Variants in MTX2 observed in about 807,000 individuals in gnomAD.
The protein encoded by MTX2 is metaxin-2.
Under a neutral mutation model 42.3 loss-of-function variants are expected in MTX2, and 35 were observed. The ratio of observed to expected loss-of-function variants is 0.83; its 90% CI spans 0.63 to 1.10. MTX2 has a LOEUF of 1.10. Among genes scored for constraint, MTX2 ranks in the 50% least tolerant of loss-of-function variants. The pLI is 0.00. For missense variants in MTX2, 307 were observed against 304.1 expected (o/e 1.01, Z -0.07); for synonymous variants, 119 against 100.9 (o/e 1.18, Z -1.08).
At chr2:176,320,289 T>C (rs1684547927) in intron 3 of MTX2, among the ~76,000 whole-genome samples, 1 of 152,146 alleles carries the variant, frequency 6.6e-6, no homozygotes, top group South Asian at 2.1e-4. Flanking sequence ...AACATTACAA[T>C]TCTGCTTTTA....
chr2:176,305,068 A>G (rs72925109), intron 3 of MTX2, among the ~76,000 whole-genome samples: 4,182 of 152,134 alleles, frequency 0.027, 86 homozygotes, highest in African/African-American at 0.056. Context: ...AGCAATGCTG[A>G]TTTTATTGCT....
chr2:176,328,857 T>G lies in MTX2; in HGVS notation c.379-17T>G. 1 of 1,602,722 alleles carries G rather than the reference T, an allele frequency of 6.2e-7. No homozygotes were observed. The highest frequency in any genetic ancestry group is 8.5e-7 in the Non-Finnish European group (1 of 1,172,856). ...CTTTGGTATTCTAAAGTTTAGTGAC[T>G]GTTCTTTTGTTCCTAGCTGTATCTT... On this transcript the variant is annotated splice_polypyrimidine_tract_variant and intron_variant, in intron 6 of 9. Transcript: ENST00000249442.
chr2:176,270,734 CATT>C (rs1298190502), intron 1 of MTX2, among the ~76,000 whole-genome samples: 1 of 151,960 alleles, frequency 6.6e-6, no homozygotes, highest in African/African-American at 2.4e-5. Context: ...CACTTAAAAA[CATT>C]ATTTTTTAGA....
chr2:176,333,020 T>C (rs949067312), intron 9 of MTX2, among the ~76,000 whole-genome samples: 2 of 151,488 alleles, frequency 1.3e-5, no homozygotes, highest in African/African-American at 4.8e-5. Context: ...ATTTTACTGT[T>C]TTTGTTTTGA....
At chr2:176,286,148 G>T (rs899400671) in intron 1 of MTX2, among the ~76,000 whole-genome samples, 1 of 151,986 alleles carries the variant, frequency 6.6e-6, no homozygotes, top group African/African-American at 2.4e-5. Context: ...GTGCTTTTTG[G>T]CCATTTGTAT....
At chr2:176,329,200 TTTATG>T in intron 7 of MTX2, 96 bp from the exon 8 acceptor site, 3 of 1,374,312 alleles carry the variant, frequency 2.2e-6, no homozygotes, top group Non-Finnish European at 2.9e-6. Context: ...GATTGCTCTA[TTTATG>T]TTCTCTGAAA....
intron 3 of MTX2, among the ~76,000 whole-genome samples, chr2:176,299,140 A>G (rs1683964284): frequency 6.6e-6 from 1 of 152,120 alleles, no homozygotes; most frequent in African/African-American, 2.4e-5. Context: ...ACAATATTTA[A>G]GTGTTTTTGC....
At chr2:176,314,893 A>G (rs911022236) in intron 3 of MTX2, among the ~76,000 whole-genome samples, 1 of 152,204 alleles carries the variant, frequency 6.6e-6, no homozygotes, top group Admixed American at 6.5e-5. Flanking sequence ...AAAAGACCAA[A>G]GATGAAGATG....
intron 3 of MTX2, among the ~76,000 whole-genome samples, chr2:176,302,497 C>T (rs919656542): frequency 1.4e-4 from 22 of 152,112 alleles, no homozygotes; most frequent in African/African-American, 1.7e-4. Flanking sequence ...AGTGCAGTGG[C>T]GTGATCTTGG....
At chr2:176,284,107 T>C (rs1005809461) in intron 1 of MTX2, among the ~76,000 whole-genome samples, 1 of 149,320 alleles carries the variant, frequency 6.7e-6, no homozygotes, top group Non-Finnish European at 1.5e-5. Flanking sequence ...GATTTTTTTC[T>C]TTTTTTTTTC....
In MTX2 at chr2:176,330,883, G is replaced by A. The variant is rs79633790; in HGVS notation, c.620+223G>A. Reference sequence around the variant, plus strand: ...TCATTAAGAATTTCTCTTAAAGGCAGTCATGTAAATCAATCATTGTATGAT... The same window carrying A: ...TCATTAAGAATTTCTCTTAAAGGCAATCATGTAAATCAATCATTGTATGAT... On this transcript the variant is annotated intron_variant, in intron 9 of 9. Transcript: ENST00000249442. Among the ~76,000 whole-genome samples the A allele has an allele frequency of 3.4e-3, 518 of 151,098 alleles. 2 individuals carry two copies. The highest frequency in any genetic ancestry group is 0.012 in the African/African-American group (484 of 41,418).
chr2:176,292,974 A>G (rs147237253), intron 1 of MTX2, among the ~76,000 whole-genome samples: 49 of 152,296 alleles, frequency 3.2e-4, no homozygotes, highest in Middle Eastern at 3.4e-3. Context: ...GTATATGTGT[A>G]ATATTGTGTG....
chr2:176,291,762 A>G (rs538782863), intron 1 of MTX2, among the ~76,000 whole-genome samples: 6 of 152,278 alleles, frequency 3.9e-5, no homozygotes, highest in Non-Finnish European at 8.8e-5. Context: ...ACCTGGCTGT[A>G]CCTGAGGAAG....
chr2:176,298,815 G>A (rs1683954774), intron 3 of MTX2, among the ~76,000 whole-genome samples: 1 of 152,108 alleles, frequency 6.6e-6, no homozygotes, highest in Admixed American at 6.6e-5. Context: ...GAATATTTTA[G>A]TTGAAGCACT....
intron 1 of MTX2, among the ~76,000 whole-genome samples, chr2:176,270,805 G>T (rs1040479483): frequency 4.0e-5 from 6 of 151,808 alleles, no homozygotes; most frequent in African/African-American, 1.5e-4. Flanking sequence ...AACTTGTTTT[G>T]TTCCCCATTG....
At chr2:176,324,210 G>A (rs923550887) in intron 4 of MTX2, among the ~76,000 whole-genome samples, 4 of 151,442 alleles carry the variant, frequency 2.6e-5, no homozygotes, top group Non-Finnish European at 5.9e-5. Flanking sequence ...ATTGGTATAA[G>A]TGTGTAACAT....
chr2:176,298,274 A>G (rs923117326), intron 3 of MTX2, among the ~76,000 whole-genome samples: 10 of 152,002 alleles, frequency 6.6e-5, no homozygotes, highest in Non-Finnish European at 1.3e-4. Context: ...TTTATTTATC[A>G]CATATTTTTA....
chr2:176,310,504 G>A (rs1427844366), intron 3 of MTX2, among the ~76,000 whole-genome samples: 8 of 152,146 alleles, frequency 5.3e-5, no homozygotes, highest in African/African-American at 1.9e-4. Context: ...TTTCCAGGTT[G>A]GTTCCATTCC....
At chr2:176,286,514 A>G (rs373866795) in intron 1 of MTX2, among the ~76,000 whole-genome samples, 96 of 149,326 alleles carry the variant, frequency 6.4e-4, no homozygotes, top group East Asian at 2.3e-3. Flanking sequence ...TGGGTATTCT[A>G]CTGTCCTCAT....
Sources: gnomAD v4.1 joint callset for allele counts (sites outside exome capture counted in the v4.1 genomes callset) on GRCh38, gnomAD v4.1.1 for gene constraint, MANE v1.5 for transcripts, NCBI Gene and HGNC (gene_info 2026-07-23, HGNC 2026-07-21) for gene names.